The following IRF4 variants were observed in gnomAD, a reference collection of about 807,000 sequenced individuals.
IRF4 encodes interferon regulatory factor 4, also known as lymphocyte-specific interferon regulatory factor.
A neutral mutation model predicts 55.5 loss-of-function variants in IRF4; 13 were observed. The observed-to-expected ratio is 0.23, with a 90% CI of 0.15 to 0.37. IRF4 has a LOEUF of 0.37. Among genes scored for constraint, IRF4 ranks in the 10% least tolerant of loss-of-function variants. IRF4 has a pLI of 1.00. For synonymous variants in IRF4, 249 were observed against 240.7 expected (o/e 1.03, Z -0.32); for missense variants, 397 against 593.8 (o/e 0.67, Z 3.44).
chr6:393,805 T>C lies in IRF4; in HGVS notation c.216+437T>C, dbSNP rs1230762253. ...GGCTGTTTTCGTCTCTCACCGCGTCTCTGTTTCTCTTTTCGCTGCTTTTCT... is the reference window on the plus strand; with the variant it reads ...GGCTGTTTTCGTCTCTCACCGCGTCCCTGTTTCTCTTTTCGCTGCTTTTCT... On this transcript the variant is annotated intron_variant, in intron 2 of 8. Transcript: ENST00000380956. This position sits in a 1 kb window ranked among gnomAD's most constrained non-coding sequence, Gnocchi z 5.4. Among the ~76,000 whole-genome samples the C allele has an allele frequency of 6.6e-6, 1 of 151,800 alleles. No individual in the cohort carries two copies. Among genetic ancestry groups the C allele is most frequent in the Admixed American group, 6.5e-5 (1 of 15,276 alleles).
intron 7 of IRF4, 103 bp downstream of exon 7, chr6:401,880 C>T (rs1489824563): frequency 9.8e-7 from 1 of 1,025,362 alleles, no homozygotes; most frequent in African/African-American, 1.6e-5. Flanking sequence ...AGGTCTTCCT[C>T]CTGTTGACTT....
Position 409,262 on chromosome 6 carries a change from A to G in IRF4, c.*1664A>G, listed in dbSNP as rs1761629219. Reference sequence around the variant, plus strand: ...ATGTTTAAAAAGTTTCTAATATTAAAGTCAGAATATTAATACAATTAATAT... The same window carrying G: ...ATGTTTAAAAAGTTTCTAATATTAAGGTCAGAATATTAATACAATTAATAT... On this transcript the variant is annotated 3_prime_UTR_variant, in exon 9 of 9. Coordinates refer to ENST00000380956, the MANE Select transcript of IRF4 (RefSeq NM_002460.4). 2 of 193,044 alleles carry G rather than the reference A, an allele frequency of 1.0e-5. No individual in the cohort carries two copies. 12.0% of individuals were successfully genotyped at this position (193,044 alleles called of 1,614,324 possible). A position where few individuals can be genotyped will look rare whatever the true frequency, so the allele number is the denominator to read the frequency against.
Position 393,568 on chromosome 6 carries a change from G to C in IRF4, c.216+200G>C, listed in dbSNP as rs1761178112. On this transcript the variant is annotated intron_variant, in intron 2 of 8. Transcript: ENST00000380956. The surrounding 1 kb of genome is among the most constrained non-coding windows in gnomAD (Gnocchi z 5.4). Reference sequence around the variant, plus strand: ...CTCTCAGCGGGACCGCGGGGGCCGGGAGCCGGGTCCTGGGCGCGTGGAGGC... The same window carrying C: ...CTCTCAGCGGGACCGCGGGGGCCGGCAGCCGGGTCCTGGGCGCGTGGAGGC... Among the ~76,000 whole-genome samples, 1 of 152,136 alleles carries C rather than the reference G, an allele frequency of 6.6e-6. No individual in the cohort carries two copies. The highest frequency in any genetic ancestry group is 6.5e-5 in the Admixed American group (1 of 15,288).
At chr6:400,900 C>T (rs914735941) in intron 6 of IRF4, among the ~76,000 whole-genome samples, 7 of 151,994 alleles carry the variant, frequency 4.6e-5, no homozygotes, top group Non-Finnish European at 5.9e-5. Flanking sequence ...TCTGAAACAC[C>T]GTTATATTTT....
At chr6:400,228 A>G (rs1761362806) in intron 6 of IRF4, among the ~76,000 whole-genome samples, 1 of 152,194 alleles carries the variant, frequency 6.6e-6, no homozygotes, top group African/African-American at 2.4e-5. Context: ...ATACAGATTA[A>G]TTATCAGCCA....
In IRF4 at chr6:394,976, G is replaced by A; in HGVS notation, c.372G>A (p.Val124=). The change falls in exon 3 of 9, where the codon GTG becomes GTA. Residue 124 remains valine (V), a synonymous_variant. Transcript: ENST00000380956. ...TGGACATCTCAGACCCGTACAAAGT[G>A]TACAGGATTGTTCCTGAGGGAGCCA... ...SQLDISDPYK[V]YRIVPEGAKK... 1 of 1,612,306 alleles carries A rather than the reference G, an allele frequency of 6.2e-7. No individual in the cohort carries two copies. The highest frequency in any genetic ancestry group is 2.2e-5 in the East Asian group (1 of 44,796).
At chr6:392,915 G>T (rs1257136676) in intron 1 of IRF4, among the ~76,000 whole-genome samples, 183 bp from the exon 2 acceptor site, 1 of 151,290 alleles carries the variant, frequency 6.6e-6, no homozygotes, top group Non-Finnish European at 1.5e-5. Flanking sequence ...GCCCGCCCAG[G>T]GGATGCGCCC....
At chr6:404,814 C>T (rs912379962) in intron 7 of IRF4, among the ~76,000 whole-genome samples, 2 of 152,200 alleles carry the variant, frequency 1.3e-5, no homozygotes, top group Non-Finnish European at 2.9e-5. Flanking sequence ...AGACCGAGGG[C>T]CCTGGGGGGA....
chr6:399,039 C>T, intron 6 of IRF4, 104 bp downstream of exon 6: 2 of 703,502 alleles, frequency 2.8e-6, no homozygotes, highest in Non-Finnish European at 2.3e-6. Context: ...ACTTGCTTTG[C>T]TCCCTCTGGG....
intron 1 of IRF4, 170 bp downstream of exon 1, chr6:391,979 C>T (rs1761114180): frequency 1.3e-5 from 5 of 394,610 alleles, no homozygotes; most frequent in Admixed American, 5.4e-5. Context: ...CTGCGCTGAG[C>T]CGGAGGCGCT....
intron 7 of IRF4, among the ~76,000 whole-genome samples, chr6:402,518 T>A (rs1335100469): frequency 3.3e-5 from 5 of 152,202 alleles, no homozygotes; most frequent in Non-Finnish European, 5.9e-5. Flanking sequence ...TCCTGTCCCT[T>A]CCTGAGCCCC....
rs753680565 is a variant in IRF4, at chr6:401,711, G to C, written c.1033G>C (p.Asp345His). 1 of 1,614,208 alleles carries C rather than the reference G, an allele frequency of 6.2e-7. No individual in the cohort carries two copies. The highest frequency in any genetic ancestry group is 8.5e-7 in the Non-Finnish European group (1 of 1,180,048). ...GGACGGGCCCCTGGCGCTGTGCAAC[G>C]ACCGGCCCAACAAACTGGAGAGAGA... Reference protein sequence around the residue: ...YWDGPLALCNDRPNKLERDQT... With the variant: ...YWDGPLALCNHRPNKLERDQT... Residue 345 changes from aspartate to histidine, a missense_variant, in exon 7 of 9, where the codon GAC becomes CAC. This residue lies in a region of IRF4 where 341 missense variants were observed against 548.1 expected (regional missense o/e 0.62). Transcript: ENST00000380956.
chr6:404,174 G>A (rs1761481459), intron 7 of IRF4, among the ~76,000 whole-genome samples: 2 of 152,276 alleles, frequency 1.3e-5, no homozygotes, highest in Middle Eastern at 3.4e-3. Flanking sequence ...TTTCTTTTGC[G>A]GGCGTGACAT....
At chr6:404,140 T>C (rs1410642929) in intron 7 of IRF4, among the ~76,000 whole-genome samples, 1 of 152,236 alleles carries the variant, frequency 6.6e-6, no homozygotes, top group East Asian at 1.9e-4. Context: ...CTGCAGAAGC[T>C]GTAGCGGCTC....
intron 7 of IRF4, among the ~76,000 whole-genome samples, chr6:403,470 T>A (rs13208928): frequency 0.048 from 7,344 of 152,334 alleles, 236 homozygotes; most frequent in Middle Eastern, 0.092. Context: ...TGCCTCTTGC[T>A]GGGCGTTTTT....
rs202124383 is a variant in IRF4 at position 394,867 on chromosome 6, C to T, written c.263C>T (p.Pro88Leu). Residue 88 changes from proline to leucine, a missense_variant, in exon 3 of 9, where the codon CCG becomes CTG. Coordinates refer to ENST00000380956, the MANE Select transcript of IRF4 (RefSeq NM_002460.4). ...AAGTTCCGAGAAGGCATCGACAAGCCGGACCCTCCCACCTGGAAGACGCGC... is the reference window on the plus strand; with the variant it reads ...AAGTTCCGAGAAGGCATCGACAAGCTGGACCCTCCCACCTGGAAGACGCGC... ...KGKFREGIDK[P>L]DPPTWKTRLR... 9.3e-6 allele frequency: 15 copies of T among 1,614,088 alleles called. No individual in the cohort carries two copies. Among genetic ancestry groups the T allele is most frequent in the Non-Finnish European group, 1.3e-5 (15 of 1,180,034 alleles).
chr6:394,839 G>A lies in IRF4; in HGVS notation c.235G>A (p.Gly79Arg). The A allele has an allele frequency of 6.2e-7, 1 of 1,614,004 alleles. No homozygotes were observed. The highest frequency in any genetic ancestry group is 8.5e-7 in the Non-Finnish European group (1 of 1,179,966). ...ALFKAWALFK[G>R]KFREGIDKPD... ...CCACCAGGCTTGGGCACTGTTTAAA[G>A]GAAAGTTCCGAGAAGGCATCGACAA... The change falls in exon 3 of 9, where the codon GGA becomes AGA. Residue 79 changes from glycine to arginine, a missense_variant. Gly to Arg is a moderately radical substitution (Grantham distance 125, BLOSUM62 -2). Around this residue, in one of 3 missense-constraint regions of IRF4, gnomAD observed 341 missense variants for 548.1 expected, o/e 0.62. Coordinates refer to ENST00000380956, the MANE Select transcript of IRF4 (RefSeq NM_002460.4).
chr6:395,157 C>T (rs1054196916), intron 3 of IRF4, 150 bp downstream of exon 3: 7 of 623,680 alleles, frequency 1.1e-5, no homozygotes, highest in African/African-American at 1.9e-5. Flanking sequence ...GCCTCCTTGC[C>T]TGAGTTATGT....
intron 6 of IRF4, 138 bp downstream of exon 6, chr6:399,073 C>A: frequency 4.0e-6 from 2 of 505,128 alleles, no homozygotes; most frequent in East Asian, 5.8e-5. Flanking sequence ...GTAGACACAT[C>A]CTGTGTGTGA....
Sources: gnomAD v4.1 joint callset for allele counts (sites outside exome capture counted in the v4.1 genomes callset) on GRCh38, gnomAD v4.1.1 for gene constraint, gnomAD v4.1.1 regional missense constraint, Gnocchi (gnomAD v3.1) non-coding constraint, MANE v1.5 for transcripts, NCBI Gene and HGNC (gene_info 2026-07-23, HGNC 2026-07-21) for gene names.